KIF26B: variants seen among roughly 807,000 people sequenced by gnomAD.
The protein encoded by KIF26B is kinesin family member 26B.
In KIF26B, 63 loss-of-function variants were observed where a neutral mutation model predicts 151.2. The ratio of observed to expected loss-of-function variants is 0.42; its 90% CI spans 0.34 to 0.51. The LOEUF (loss-of-function observed/expected upper bound fraction) is 0.51. Ranked by LOEUF, KIF26B falls within the 20% of genes least tolerant of loss-of-function variation. KIF26B has a pLI of 0.07. For missense variants in KIF26B, 2,813 were observed against 2,913.6 expected (o/e 0.97, Z 0.79); for synonymous variants, 1,357 against 1,262.1 (o/e 1.08, Z -1.59).
intron 2 of KIF26B, among the ~76,000 whole-genome samples, chr1:245,335,744 G>T (rs1394431503): frequency 1.4e-5 from 2 of 145,688 alleles, no homozygotes; most frequent in African/African-American, 5.1e-5. Flanking sequence ...GGAAAGGAGG[G>T]TCCCACGCAG....
At chr1:245,193,745 C>G (rs1053515699) in intron 2 of KIF26B, among the ~76,000 whole-genome samples, 1 of 152,174 alleles carries the variant, frequency 6.6e-6, no homozygotes, top group African/African-American at 2.4e-5. Context: ...ATGTTCAAAC[C>G]TGAGTCATCT....
chr1:245,405,339 G>T (rs373184891), intron 3 of KIF26B, among the ~76,000 whole-genome samples: 6 of 152,224 alleles, frequency 3.9e-5, no homozygotes, highest in Admixed American at 1.3e-4. Context: ...TTGCCTACCC[G>T]TGTGCAGGTT....
chr1:245,280,056 G>A (rs1671011064), intron 2 of KIF26B, among the ~76,000 whole-genome samples: 1 of 151,940 alleles, frequency 6.6e-6, no homozygotes, highest in Non-Finnish European at 1.5e-5. Flanking sequence ...TGTGAGTTGG[G>A]TGATCTCTCC....
intron 2 of KIF26B, among the ~76,000 whole-genome samples, chr1:245,333,905 C>T (rs1181574036): frequency 1.3e-5 from 2 of 151,814 alleles, no homozygotes; most frequent in Non-Finnish European, 1.5e-5. Context: ...GGCTGAGGCA[C>T]GAGAATTGCT....
At chr1:245,171,418 C>A (rs1668706791) in intron 2 of KIF26B, among the ~76,000 whole-genome samples, 1 of 152,118 alleles carries the variant, frequency 6.6e-6, no homozygotes. Flanking sequence ...GTGGCACATG[C>A]CTGTAATCCC....
intron 10 of KIF26B, among the ~76,000 whole-genome samples, chr1:245,659,920 T>C (rs1488006143): frequency 6.7e-6 from 1 of 148,972 alleles, no homozygotes; most frequent in Non-Finnish European, 1.5e-5. Context: ...TGGTGGAACA[T>C]GCCTGTAATC....
In KIF26B at chr1:245,358,113, C is replaced by G. The variant is rs1672738549; in HGVS notation, c.466-8721C>G. 6.6e-6 allele frequency among the ~76,000 whole-genome samples: 1 copy of G among 152,084 alleles called. No homozygotes were observed. The highest frequency in any genetic ancestry group is 1.5e-5 in the Non-Finnish European group (1 of 68,022). On this transcript the variant is annotated intron_variant, in intron 2 of 14. Transcript: ENST00000407071. This position sits in a 1 kb window ranked among gnomAD's most constrained non-coding sequence, Gnocchi z 4.1. ...TGTATTTTTTGTAGTTGGGATTTCA[C>G]CATGTTGCCCAGGCTGGTCTCGAAC...
intron 9 of KIF26B, among the ~76,000 whole-genome samples, chr1:245,630,375 A>G (rs1361981017): frequency 6.6e-6 from 1 of 152,204 alleles, no homozygotes; most frequent in Non-Finnish European, 1.5e-5. Context: ...AATGTAATAC[A>G]TATGCACCAT....
intron 9 of KIF26B, among the ~76,000 whole-genome samples, chr1:245,621,047 C>T (rs1375756430): frequency 6.6e-6 from 1 of 152,144 alleles, no homozygotes; most frequent in Non-Finnish European, 1.5e-5. Context: ...CTTAGCTACA[C>T]ATTAGACTCA....
At chr1:245,557,289 A>G (rs942177288) in intron 5 of KIF26B, among the ~76,000 whole-genome samples, 4 of 152,216 alleles carry the variant, frequency 2.6e-5, no homozygotes. Flanking sequence ...GTAGACTTGA[A>G]TTTGAAGGCT....
At chr1:245,305,721 G>A (rs1671522845) in intron 2 of KIF26B, among the ~76,000 whole-genome samples, 1 of 151,964 alleles carries the variant, frequency 6.6e-6, no homozygotes, top group Admixed American at 6.6e-5. Context: ...GGTGGATCAC[G>A]AGGTCAGGAG....
intron 3 of KIF26B, among the ~76,000 whole-genome samples, chr1:245,381,336 C>CA (rs111422244): frequency 0.013 from 1,965 of 152,166 alleles, 41 homozygotes; most frequent in African/African-American, 0.045. Context: ...ATGCCTCATA[C>CA]AAAAAATGTG....
chr1:245,592,261 C>T (rs1322960230), intron 5 of KIF26B, among the ~76,000 whole-genome samples: 10 of 152,214 alleles, frequency 6.6e-5, no homozygotes, highest in Admixed American at 2.0e-4. Context: ...AGAAGCCAGC[C>T]GCCCAGGGTG....
At chr1:245,455,396 C>T (rs1040282799) in intron 4 of KIF26B, among the ~76,000 whole-genome samples, 7 of 151,910 alleles carry the variant, frequency 4.6e-5, no homozygotes, top group South Asian at 2.1e-4. Context: ...CCCAGCTACT[C>T]GGGAGGCTGA....
intron 2 of KIF26B, among the ~76,000 whole-genome samples, chr1:245,221,451 A>G (rs1435900348): frequency 1.3e-5 from 2 of 149,156 alleles, no homozygotes; most frequent in Non-Finnish European, 1.5e-5. Context: ...GTTCTCACCC[A>G]GGCTGGAGTG....
rs754059464 is a variant in KIF26B at position 245,688,197 on chromosome 1, C to A, written c.5214C>A (p.Leu1738=). Residue 1738 remains leucine (L), a synonymous_variant, in exon 12 of 15, where the codon CTC becomes CTA. Transcript: ENST00000407071. ...GQSKISAVSR[L]LLASPRARGP... is the part of the protein sequence containing the mutation. ...CCAAGATCTCCGCCGTGAGCAGACT[C>A]CTCCTGGCCAGCCCCAGAGCGCGCG... The A allele has an allele frequency of 6.3e-6, 10 of 1,595,548 alleles. 1 individual carries two copies. In the South Asian group the frequency reaches 1.1e-4, roughly 18 times the overall value.
chr1:245,208,438 A>G (rs1346271245), intron 2 of KIF26B, among the ~76,000 whole-genome samples: 1 of 152,256 alleles, frequency 6.6e-6, no homozygotes, highest in East Asian at 1.9e-4. Flanking sequence ...CATAAAATAA[A>G]CAGGCTTGCT....
At position 245,155,238 on chromosome 1, in the gene KIF26B, T is replaced by A. The variant is rs1235190292; in HGVS notation, c.-187T>A. 3 of 626,472 alleles carry A rather than the reference T, an allele frequency of 4.8e-6. No homozygotes were observed. Among genetic ancestry groups the A allele is most frequent in the Non-Finnish European group, 8.4e-6 (3 of 355,296 alleles). 38.8% of individuals were successfully genotyped at this position (626,472 alleles called of 1,614,324 possible). A position where few individuals can be genotyped will look rare whatever the true frequency, so the allele number is the denominator to read the frequency against. On this transcript the variant is annotated 5_prime_UTR_variant, in exon 1 of 15. Transcript: ENST00000407071. ...GAATAAACCAGCGACCCCAACCCTT[T>A]CTGCAAATTGGTGCTATTACTTGTG...
chr1:245,560,552 C>T lies in KIF26B; in HGVS notation c.1350+19602C>T, dbSNP rs752318246. Among the ~76,000 whole-genome samples the T allele has an allele frequency of 2.0e-5, 3 of 152,058 alleles. No individual in the cohort carries two copies. Among genetic ancestry groups the T allele is most frequent in the Admixed American group, 6.5e-5 (1 of 15,274 alleles). ...AATTATGTTAGAAAAAAAAGCAAAG[C>T]GGGAACTTGGCTTTTGTGTTGCCTT... On this transcript the variant is annotated intron_variant, in intron 5 of 14. Coordinates refer to ENST00000407071, the MANE Select transcript of KIF26B (RefSeq NM_018012.4). This position sits in a 1 kb window ranked among gnomAD's most constrained non-coding sequence, Gnocchi z 4.3.
Sources: gnomAD v4.1 joint callset for allele counts (sites outside exome capture counted in the v4.1 genomes callset) on GRCh38, gnomAD v4.1.1 for gene constraint, Gnocchi (gnomAD v3.1) non-coding constraint, MANE v1.5 for transcripts, NCBI Gene and HGNC (gene_info 2026-07-23, HGNC 2026-07-21) for gene names.